HECW1: variants seen among roughly 807,000 people sequenced by gnomAD.
HECW1 encodes E3 ubiquitin-protein ligase HECW1.
In HECW1, 61 loss-of-function variants were observed where a neutral mutation model predicts 182.3. The observed-to-expected ratio is 0.33, with a 90% CI of 0.27 to 0.41. The LOEUF is 0.41. HECW1 is among the 10% of genes least tolerant of loss of function. The pLI is 1.00. For synonymous variants in HECW1, 859 were observed against 832.6 expected (o/e 1.03, Z -0.55); for missense variants, 1,739 against 2,108.9 (o/e 0.82, Z 3.44).
At chr7:43,124,977 C>T (rs569353661) in intron 2 of HECW1, among the ~76,000 whole-genome samples, 1 of 152,258 alleles carries the variant, frequency 6.6e-6, no homozygotes, top group African/African-American at 2.4e-5. Context: ...ATACCATAGA[C>T]TGAGTGACTT....
At chr7:43,282,974 T>G (rs938475565) in intron 3 of HECW1, among the ~76,000 whole-genome samples, 5 of 152,018 alleles carry the variant, frequency 3.3e-5, no homozygotes, top group African/African-American at 1.2e-4. Context: ...ATAAGTTAGC[T>G]GAGCGCAGTG....
At chr7:43,536,646 A>C (rs1156608406) in intron 24 of HECW1, among the ~76,000 whole-genome samples, 1 of 152,132 alleles carries the variant, frequency 6.6e-6, no homozygotes. Flanking sequence ...CTTCAGATAC[A>C]ATGGCCCCCA....
intron 2 of HECW1, among the ~76,000 whole-genome samples, chr7:43,157,405 C>A: frequency 6.6e-6 from 1 of 152,124 alleles, no homozygotes; most frequent in East Asian, 1.9e-4. Context: ...TAAATCATTT[C>A]TGAGTAGACT....
At chr7:43,371,966 CCCA>C (rs2074122458) in intron 6 of HECW1, among the ~76,000 whole-genome samples, 1 of 152,076 alleles carries the variant, frequency 6.6e-6, no homozygotes. Context: ...ATTACAGGTG[CCCA>C]CCACCACGCC....
At chr7:43,187,275 C>T (rs995021306) in intron 2 of HECW1, among the ~76,000 whole-genome samples, 1 of 152,160 alleles carries the variant, frequency 6.6e-6, no homozygotes, top group African/African-American at 2.4e-5. Context: ...TCCCAGAAGT[C>T]GCACATCACT....
At chr7:43,115,252 G>A (rs972022470) in intron 2 of HECW1, among the ~76,000 whole-genome samples, 51 of 150,174 alleles carry the variant, frequency 3.4e-4, no homozygotes, top group African/African-American at 1.2e-3. Flanking sequence ...AAACCCAAGC[G>A]TCTGCATTTT....
At position 43,444,528 on chromosome 7, in the gene HECW1, C is replaced by T; in HGVS notation, c.1356C>T (p.Ala452=). Residue 452 remains alanine, a synonymous_variant, in exon 11 of 30, where the codon GCC becomes GCT. Coordinates refer to ENST00000395891, the MANE Select transcript of HECW1 (RefSeq NM_015052.5). The surrounding 1 kb of genome is among the most constrained non-coding windows in gnomAD (Gnocchi z 4.3). ...AGGTGCAAAAGGACATCCAGCCTGC[C>T]CCCAGTGCAGAAGAGCTGGCCGAGC... ...LAQVQKDIQP[A]PSAEELAEQL... is the part of the protein sequence containing the mutation. 6.2e-7 allele frequency: 1 copy of T among 1,611,448 alleles called. No individual in the cohort carries two copies. The highest frequency in any genetic ancestry group is 8.5e-7 in the Non-Finnish European group (1 of 1,178,928).
intron 5 of HECW1, among the ~76,000 whole-genome samples, chr7:43,331,287 C>T (rs1034761946): frequency 2.0e-5 from 3 of 152,062 alleles, no homozygotes; most frequent in African/African-American, 7.2e-5. Context: ...TTTCTAGCTT[C>T]ATCCATGTAA....
chr7:43,121,618 G>A (rs1342693220), intron 2 of HECW1, among the ~76,000 whole-genome samples: 2 of 151,944 alleles, frequency 1.3e-5, no homozygotes, highest in Non-Finnish European at 2.9e-5. Flanking sequence ...AATAAATGAT[G>A]CTATTTTCTG....
chr7:43,464,264 A>G (rs779985617), intron 14 of HECW1, among the ~76,000 whole-genome samples: 14 of 152,254 alleles, frequency 9.2e-5, no homozygotes, highest in Non-Finnish European at 1.8e-4. Context: ...GTATATTGCA[A>G]AGGAGCCATG....
intron 4 of HECW1, among the ~76,000 whole-genome samples, chr7:43,318,663 G>C (rs1241532424): frequency 6.6e-6 from 1 of 152,200 alleles, no homozygotes; most frequent in African/African-American, 2.4e-5. Flanking sequence ...GCAAGAGCTG[G>C]GCCCTTTGGC....
At chr7:43,396,326 T>C (rs1466852264) in intron 6 of HECW1, among the ~76,000 whole-genome samples, 1 of 152,234 alleles carries the variant, frequency 6.6e-6, no homozygotes, top group Non-Finnish European at 1.5e-5. Context: ...GAAGAGCTCC[T>C]TAATGCCTTG....
chr7:43,509,418 C>T (rs1041156624), intron 24 of HECW1: 1 of 239,392 alleles, frequency 4.2e-6, no homozygotes, highest in Non-Finnish European at 8.0e-6. Flanking sequence ...GATAATTTTA[C>T]TAAAATCATA....
intron 24 of HECW1, among the ~76,000 whole-genome samples, chr7:43,518,328 C>G (rs1209931713): frequency 1.3e-5 from 2 of 151,986 alleles, no homozygotes; most frequent in Non-Finnish European, 2.9e-5. Flanking sequence ...AACCCCATCT[C>G]TACTAAAAAA....
At chr7:43,254,325 G>C (rs1032412847) in intron 3 of HECW1, among the ~76,000 whole-genome samples, 6 of 152,042 alleles carry the variant, frequency 3.9e-5, no homozygotes, top group African/African-American at 1.4e-4. Context: ...AAATAACACA[G>C]GTAATTGTTA....
At chr7:43,419,863 A>G (rs2076125987) in intron 8 of HECW1, among the ~76,000 whole-genome samples, 1 of 152,234 alleles carries the variant, frequency 6.6e-6, no homozygotes, top group Non-Finnish European at 1.5e-5. Context: ...AGACAAGGTC[A>G]TTTATAACCT....
chr7:43,554,867 C>A, intron 29 of HECW1, 77 bp downstream of exon 29: 2 of 1,339,434 alleles, frequency 1.5e-6, no homozygotes, highest in Non-Finnish European at 2.1e-6. Context: ...TTTTGAGTGA[C>A]CATCCTTTGG....
At chr7:43,227,223 G>C (rs1213096710) in intron 2 of HECW1, among the ~76,000 whole-genome samples, 1 of 152,058 alleles carries the variant, frequency 6.6e-6, no homozygotes, top group South Asian at 2.1e-4. Flanking sequence ...TGAAATTCAG[G>C]CTACTGAAAT....
At chr7:43,406,738 C>T (rs960128259) in intron 7 of HECW1, among the ~76,000 whole-genome samples, 2 of 152,042 alleles carry the variant, frequency 1.3e-5, no homozygotes, top group East Asian at 1.9e-4. Flanking sequence ...GCCAACACAG[C>T]GAAAATCTGT....
Sources: allele counts gnomAD v4.1 joint callset (sites outside exome capture counted in the v4.1 genomes callset), GRCh38; gene constraint gnomAD v4.1.1; non-coding constraint Gnocchi (gnomAD v3.1); transcripts MANE v1.5; gene names NCBI Gene and HGNC (gene_info 2026-07-23, HGNC 2026-07-21).